Variants in DNAH11 observed in about 807,000 individuals in gnomAD.
DNAH11 encodes axonemal beta dynein heavy chain 11.
A neutral mutation model predicts 526.0 loss-of-function variants in DNAH11; 442 were observed. The observed-to-expected ratio is 0.84, with a 90% CI of 0.78 to 0.91. DNAH11 has a LOEUF of 0.91. Ranked by LOEUF, DNAH11 falls within the 40% of genes least tolerant of loss-of-function variation. The pLI is 0.00. For synonymous variants in DNAH11, 2,461 were observed against 1,935.9 expected (o/e 1.27, Z -7.12); for missense variants, 6,989 against 5,448.7 (o/e 1.28, Z -8.90).
Position 21,662,283 on chromosome 7 carries a change from A to T in DNAH11, c.5328+3252A>T, listed in dbSNP as rs562258335. Among the ~76,000 whole-genome samples the T allele has an allele frequency of 1.5e-4, 23 of 152,274 alleles. 1 individual carries two copies. In the South Asian group the frequency reaches 4.8e-3, roughly 32 times the overall value. On this transcript the variant is annotated intron_variant, in intron 30 of 81. Coordinates refer to ENST00000409508, the MANE Select transcript of DNAH11 (RefSeq NM_001277115.2). ...TTATAAGAAAAATTTTCTAACATGC[A>T]GAAAAGCTGAAAGAATTTTGTAACA...
intron 68 of DNAH11, among the ~76,000 whole-genome samples, chr7:21,855,016 G>C (rs1782783747): frequency 6.7e-6 from 1 of 149,208 alleles, no homozygotes; most frequent in South Asian, 2.1e-4. Flanking sequence ...TATTGCTCCT[G>C]AGCAGTCTCT....
intron 65 of DNAH11, among the ~76,000 whole-genome samples, chr7:21,826,205 A>AT (rs1339704400): frequency 6.6e-6 from 1 of 152,210 alleles, no homozygotes; most frequent in African/African-American, 2.4e-5. Context: ...AAATTTTGAT[A>AT]TTTTTGTTAC....
At chr7:21,707,559 A>C (rs552492055) in intron 39 of DNAH11, 140 bp from the exon 40 acceptor site, 5 of 1,068,788 alleles carry the variant, frequency 4.7e-6, no homozygotes, top group Non-Finnish European at 6.5e-6. Context: ...ACACATGTGC[A>C]TTTTTCCCCT....
intron 14 of DNAH11, among the ~76,000 whole-genome samples, chr7:21,593,275 C>G (rs922521430): frequency 4.6e-5 from 7 of 152,128 alleles, no homozygotes; most frequent in African/African-American, 1.7e-4. Context: ...GGCTAACCCT[C>G]AGATCTGGCA....
At chr7:21,679,183 A>G (rs1269145677) in intron 30 of DNAH11, among the ~76,000 whole-genome samples, 2 of 149,674 alleles carry the variant, frequency 1.3e-5, no homozygotes, top group African/African-American at 4.9e-5. Context: ...AAGTGGATTA[A>G]AAAAAAAAAG....
rs1051068018 is a variant in DNAH11, at chr7:21,842,773, A to C, written c.10896+25A>C. 5.7e-6 allele frequency: 9 copies of C among 1,565,820 alleles called. No homozygotes were observed. In the African/African-American group the frequency reaches 1.2e-4, roughly 21 times the overall value. Reference sequence around the variant, plus strand: ...GGTAAAAATGTTTACGTCACCACCAACACTTAGTCGGCATTTGCTTTGCAC... The same window carrying C: ...GGTAAAAATGTTTACGTCACCACCACCACTTAGTCGGCATTTGCTTTGCAC... On this transcript the variant is annotated intron_variant, in intron 66 of 81. Transcript: ENST00000409508.
intron 32 of DNAH11, among the ~76,000 whole-genome samples, chr7:21,686,075 T>C (rs780263499): frequency 6.6e-6 from 1 of 152,266 alleles, no homozygotes; most frequent in Non-Finnish European, 1.5e-5. Flanking sequence ...CACTCATTCA[T>C]TGTAAGATAC....
intron 26 of DNAH11, 113 bp from the exon 27 acceptor site, chr7:21,637,498 C>T (rs749060085): frequency 1.4e-4 from 108 of 754,102 alleles, no homozygotes; most frequent in Admixed American, 4.6e-4. Flanking sequence ...TTAGAAGTAT[C>T]TTTGACCTTG....
chr7:21,761,131 G>T (rs990268972), intron 54 of DNAH11, among the ~76,000 whole-genome samples: 1 of 152,100 alleles, frequency 6.6e-6, no homozygotes, highest in East Asian at 1.9e-4. Context: ...ATAACCAACG[G>T]TTTCCAGACA....
chr7:21,870,655 T>C (rs1206379522), intron 73 of DNAH11, among the ~76,000 whole-genome samples: 1 of 152,212 alleles, frequency 6.6e-6, no homozygotes, highest in Non-Finnish European at 1.5e-5. Context: ...CAAAATAAAC[T>C]ATTTCCATTA....
intron 65 of DNAH11, among the ~76,000 whole-genome samples, chr7:21,823,815 T>A (rs959878437): frequency 1.3e-5 from 2 of 152,150 alleles, no homozygotes; most frequent in African/African-American, 4.8e-5. Context: ...CGAAATGTGT[T>A]ACTGAGTTGA....
At chr7:21,549,746 T>C (rs546587735) in intron 2 of DNAH11, among the ~76,000 whole-genome samples, 39 of 152,196 alleles carry the variant, frequency 2.6e-4, no homozygotes, top group Non-Finnish European at 5.6e-4. Flanking sequence ...ATGTTTACTG[T>C]CCAACCCTGC....
At chr7:21,641,167 G>A (rs1336501259) in intron 28 of DNAH11, among the ~76,000 whole-genome samples, 1 of 152,100 alleles carries the variant, frequency 6.6e-6, no homozygotes, top group East Asian at 1.9e-4. Flanking sequence ...TCCAAACAAG[G>A]GGCACATCAA....
intron 65 of DNAH11, among the ~76,000 whole-genome samples, chr7:21,821,862 G>T (rs957816416): frequency 2.0e-5 from 3 of 151,576 alleles, no homozygotes; most frequent in Admixed American, 1.3e-4. Flanking sequence ...CACCTCCCCC[G>T]CCAGCTTCTC....
At position 21,873,540 on chromosome 7, in the gene DNAH11, G is replaced by T. The variant is rs757489539; in HGVS notation, c.12195+39G>T. ...GCAGGCTAGGCAGACAATGAAGTCAGAGTCATCTCACAAGACTGTGGGGCC... is the reference window on the plus strand; with the variant it reads ...GCAGGCTAGGCAGACAATGAAGTCATAGTCATCTCACAAGACTGTGGGGCC... On this transcript the variant is annotated intron_variant, in intron 74 of 81. Transcript: ENST00000409508. The T allele has an allele frequency of 2.5e-6, 4 of 1,593,456 alleles. No individual in the cohort carries two copies. In the African/African-American group the frequency reaches 4.0e-5, roughly 16 times the overall value.
At chr7:21,638,406 G>C (rs956724359) in intron 27 of DNAH11, among the ~76,000 whole-genome samples, 1 of 152,136 alleles carries the variant, frequency 6.6e-6, no homozygotes, top group Non-Finnish European at 1.5e-5. Flanking sequence ...TGGGGCTCGG[G>C]CTCTGCCTCT....
At chr7:21,666,279 T>C (rs918238335) in intron 30 of DNAH11, among the ~76,000 whole-genome samples, 1 of 152,064 alleles carries the variant, frequency 6.6e-6, no homozygotes, top group African/African-American at 2.4e-5. Context: ...TTGAAAAAAG[T>C]GGCAAGTATG....
intron 58 of DNAH11, 44 bp downstream of exon 58, chr7:21,784,584 T>G (rs985825996): frequency 7.2e-7 from 1 of 1,392,898 alleles, no homozygotes; most frequent in Non-Finnish European, 9.8e-7. Context: ...AAAGTAATAT[T>G]TAAAGGTTAT....
intron 2 of DNAH11, among the ~76,000 whole-genome samples, chr7:21,551,272 C>G (rs189179574): frequency 3.0e-4 from 45 of 152,312 alleles, no homozygotes; most frequent in Middle Eastern, 3.4e-3. Context: ...CTAATTTCCT[C>G]GTCCAGGGAG....
Sources: gnomAD v4.1 joint callset for allele counts (sites outside exome capture counted in the v4.1 genomes callset) on GRCh38, gnomAD v4.1.1 for gene constraint, MANE v1.5 for transcripts, NCBI Gene and HGNC (gene_info 2026-07-23, HGNC 2026-07-21) for gene names.